The following LRTM3 variants were observed in gnomAD, a reference collection of about 807,000 sequenced individuals.
The protein encoded by LRTM3 is leucine-rich repeat transmembrane protein 3.
the LRTM3 span, chr13:102,732,846 T>C: frequency 6.4e-7 from 1 of 1,551,396 alleles, no homozygotes; most frequent in Non-Finnish European, 8.7e-7. Context: ...TCTAATTTTT[T>C]CTGCTCTAGA....
At chr13:102,758,944 A>G in the LRTM3 span, 7 of 1,442,870 alleles carry the variant, frequency 4.9e-6, no homozygotes, top group Non-Finnish European at 6.6e-6. Context: ...TTAATGTCAT[A>G]TGTGAAAGAG....
At chr13:102,740,914 A>G in the LRTM3 span, 7 of 1,550,074 alleles carry the variant, frequency 4.5e-6, no homozygotes, top group East Asian at 1.7e-4. Flanking sequence ...CCTCGTGTGT[A>G]CTTTCTTGTG....
At chr13:102,735,395 G>C in the LRTM3 span, 1 of 1,551,218 alleles carries the variant, frequency 6.4e-7, no homozygotes, top group Non-Finnish European at 8.7e-7. Flanking sequence ...CTGTGGGAGA[G>C]ACACTTTTGC....
the LRTM3 span, chr13:102,740,198 C>A: frequency 6.5e-7 from 1 of 1,548,770 alleles, no homozygotes; most frequent in Non-Finnish European, 8.7e-7. Flanking sequence ...GACCTGTACC[C>A]CATCTGATGA....
chr13:102,750,062 G>T, the LRTM3 span: 1 of 1,550,300 alleles, frequency 6.5e-7, no homozygotes, highest in South Asian at 1.2e-5. Context: ...AAGATCAGAA[G>T]AAAATCCTGA....
chr13:102,741,099 A>T, the LRTM3 span: 11 of 1,549,922 alleles, frequency 7.1e-6, no homozygotes, highest in Non-Finnish European at 9.6e-6. Flanking sequence ...AGTTGATGCA[A>T]TATGCAAGGG....
the LRTM3 span, chr13:102,740,273 A>G: frequency 1.1e-5 from 17 of 1,550,006 alleles, no homozygotes; most frequent in Admixed American, 7.9e-5. Context: ...TCCTAAAGGC[A>G]GCATTGAATC....
At chr13:102,754,875 A>T in the LRTM3 span, among the ~76,000 whole-genome samples, 4 of 152,190 alleles carry the variant, frequency 2.6e-5, no homozygotes, top group African/African-American at 9.7e-5. Flanking sequence ...TAACAAATAA[A>T]CAGAGTCTTC....
chr13:102,742,233 C>T, the LRTM3 span: 1 of 1,550,416 alleles, frequency 6.4e-7, no homozygotes, highest in Non-Finnish European at 8.7e-7. Context: ...TTATTGCTTG[C>T]AGTACCATAC....
At chr13:102,735,913 T>G in the LRTM3 span, 5 of 1,541,362 alleles carry the variant, frequency 3.2e-6, no homozygotes, top group African/African-American at 5.5e-5. Context: ...TTTCCTGTAC[T>G]CCTTCCCCTT....
the LRTM3 span, chr13:102,732,936 G>C: frequency 6.4e-7 from 1 of 1,551,354 alleles, no homozygotes; most frequent in Non-Finnish European, 8.7e-7. Flanking sequence ...GGAGGGAATA[G>C]GGACTTCGGA....
the LRTM3 span, chr13:102,746,963 G>A: frequency 8.7e-3 from 13,460 of 1,551,176 alleles, 96 homozygotes; most frequent in Non-Finnish European, 0.01. Flanking sequence ...CTCAATAATA[G>A]TTTCTGTGAA....
At chr13:102,742,956 T>G in the LRTM3 span, 1 of 1,544,476 alleles carries the variant, frequency 6.5e-7, no homozygotes, top group Non-Finnish European at 8.7e-7. Flanking sequence ...ACTTTGAGAC[T>G]TTCTTTTCCA....
the LRTM3 span, chr13:102,736,865 T>G: frequency 3.2e-6 from 5 of 1,551,112 alleles, no homozygotes; most frequent in Non-Finnish European, 4.4e-6. Flanking sequence ...CAATGTATAT[T>G]TTAATTTCCC....
At chr13:102,745,286 T>A in the LRTM3 span, 1 of 1,550,662 alleles carries the variant, frequency 6.4e-7, no homozygotes, top group African/African-American at 1.4e-5. Flanking sequence ...TTCTTTAATG[T>A]CACGTGAAGT....
At chr13:102,733,508 G>A in the LRTM3 span, 1 of 1,551,334 alleles carries the variant, frequency 6.4e-7, no homozygotes, top group Admixed American at 2.0e-5. Context: ...CAGTGAAACT[G>A]AAGCCTTAGG....
At chr13:102,746,035 AC>A in the LRTM3 span, 1 of 1,550,882 alleles carries the variant, frequency 6.4e-7, no homozygotes, top group Admixed American at 2.0e-5. Context: ...GAATCTTAGG[AC>A]CTCCAAGGAC....
the LRTM3 span, among the ~76,000 whole-genome samples, chr13:102,755,633 A>AT: frequency 6.6e-6 from 1 of 151,966 alleles, no homozygotes; most frequent in Non-Finnish European, 1.5e-5. Context: ...GGAACAACAT[A>AT]TACCAAGGCC....
the LRTM3 span, chr13:102,732,030 C>T: frequency 6.4e-7 from 1 of 1,551,296 alleles, no homozygotes. Flanking sequence ...TCTGATTTGA[C>T]ATTAGGAAGT....
Sources: allele counts gnomAD v4.1 joint callset (sites outside exome capture counted in the v4.1 genomes callset), GRCh38; gene constraint gnomAD v4.1.1; transcripts MANE v1.5; gene names NCBI Gene and HGNC (gene_info 2026-07-23, HGNC 2026-07-21).